MTF2: variants seen among roughly 807,000 people sequenced by gnomAD.
The protein encoded by MTF2 is metal-response element-binding transcription factor 2.
Under a neutral mutation model 79.5 loss-of-function variants are expected in MTF2, and 11 were observed. The observed-to-expected ratio is 0.14, with a 90% CI of 0.09 to 0.23. The LOEUF (loss-of-function observed/expected upper bound fraction) is 0.23, where lower values mean the gene tolerates loss of function less well. MTF2 is among the 10% of genes least tolerant of loss of function. The pLI is 1.00. For missense variants in MTF2, 486 were observed against 711.2 expected (o/e 0.68, Z 3.60); for synonymous variants, 208 against 232.8 (o/e 0.89, Z 0.97).
At chr1:93,103,363 A>G (rs1451975754) in intron 1 of MTF2, among the ~76,000 whole-genome samples, 2 of 151,716 alleles carry the variant, frequency 1.3e-5, no homozygotes, top group African/African-American at 4.8e-5. Flanking sequence ...ATGTTCCTCC[A>G]TTGGGTAATG....
chr1:93,118,319 G>A (rs1656336253), intron 6 of MTF2, 26 bp from the exon 7 acceptor site: 3 of 1,279,898 alleles, frequency 2.3e-6, no homozygotes, highest in Non-Finnish European at 3.2e-6. Context: ...GAATTTTAGT[G>A]TTAACTTTTT....
intron 6 of MTF2, among the ~76,000 whole-genome samples, chr1:93,116,055 GCTTT>G (rs922824443): frequency 3.3e-5 from 5 of 152,086 alleles, no homozygotes; most frequent in African/African-American, 7.2e-5. Context: ...ATAGATTACT[GCTTT>G]CTTCTACGTA....
At chr1:93,096,444 T>A (rs1655290379) in intron 1 of MTF2, among the ~76,000 whole-genome samples, 1 of 152,144 alleles carries the variant, frequency 6.6e-6, no homozygotes, top group Admixed American at 6.5e-5. Context: ...ACGTCATGAA[T>A]AATATTTCCC....
At chr1:93,117,093 C>A (rs576919985) in intron 6 of MTF2, among the ~76,000 whole-genome samples, 1 of 152,104 alleles carries the variant, frequency 6.6e-6, no homozygotes, top group Non-Finnish European at 1.5e-5. Flanking sequence ...ATAAGGTGAG[C>A]ACATGAACCT....
chr1:93,117,231 G>A (rs1656283993), intron 6 of MTF2, among the ~76,000 whole-genome samples: 1 of 152,090 alleles, frequency 6.6e-6, no homozygotes, highest in Non-Finnish European at 1.5e-5. Flanking sequence ...TTCAAATAAA[G>A]ATAACCATAT....
intron 1 of MTF2, among the ~76,000 whole-genome samples, chr1:93,086,664 A>T (rs1654852297): frequency 6.6e-6 from 1 of 152,126 alleles, no homozygotes; most frequent in African/African-American, 2.4e-5. Flanking sequence ...GAAAACTAAT[A>T]TATCATATTT....
chr1:93,136,614 GGGCATA>G (rs756499051), intron 14 of MTF2, 50 bp from the exon 15 acceptor site: 33 of 1,339,114 alleles, frequency 2.5e-5, no homozygotes, highest in Non-Finnish European at 3.4e-5. Flanking sequence ...CATATTGTAT[GGGCATA>G]GGATGCTAAA....
chr1:93,079,691 G>C (rs1654518095), intron 1 of MTF2, among the ~76,000 whole-genome samples, 160 bp downstream of exon 1: 1 of 152,162 alleles, frequency 6.6e-6, no homozygotes, highest in African/African-American at 2.4e-5. Flanking sequence ...ATATTGAAAA[G>C]AATGGATGAA....
chr1:93,137,281 G>T lies in MTF2; in HGVS notation c.*254G>T, dbSNP rs1404855932. The T allele has an allele frequency of 9.6e-6, 3 of 312,748 alleles. 1 individual carries two copies. Among genetic ancestry groups the T allele is most frequent in the Non-Finnish European group, 1.8e-5 (3 of 169,580 alleles). The allele number at this position is 312,748 out of a possible 1,614,324, so 19.4% of individuals were successfully genotyped here. A position where few individuals can be genotyped will look rare whatever the true frequency, so the allele number is the denominator to read the frequency against. The stretch of plus-strand genomic sequence containing the variant: ...GATTTGTAGAATGTTTCTAGGATAG[G>T]ATATTAAAAATGATTGAAACCCATG... On this transcript the variant is annotated 3_prime_UTR_variant, in exon 15 of 15. Coordinates refer to ENST00000370298, the MANE Select transcript of MTF2 (RefSeq NM_007358.4).
chr1:93,119,291 A>T, intron 7 of MTF2, 42 bp from the exon 8 acceptor site: 1 of 1,356,270 alleles, frequency 7.4e-7, no homozygotes. Flanking sequence ...TTTATCTCTG[A>T]TGACTCAGTA....
chr1:93,094,858 A>AAT (rs1283395992), intron 1 of MTF2, among the ~76,000 whole-genome samples: 6 of 152,078 alleles, frequency 3.9e-5, no homozygotes, highest in African/African-American at 1.4e-4. Flanking sequence ...TATTGGCTTG[A>AAT]ATATATTTAT....
At chr1:93,130,937 T>G (rs1158166764) in intron 11 of MTF2, among the ~76,000 whole-genome samples, 6 of 147,934 alleles carry the variant, frequency 4.1e-5, no homozygotes, top group African/African-American at 1.3e-4. Context: ...GAGATTCTTA[T>G]GAGGGACAAA....
intron 8 of MTF2, chr1:93,119,615 TA>T (rs1242555627): frequency 1.5e-5 from 7 of 451,748 alleles, no homozygotes; most frequent in Middle Eastern, 5.7e-4. Context: ...TTGAATGTTA[TA>T]AATGAAACTT....
rs1289492447 is a variant in MTF2 at position 93,114,997 on chromosome 1, A to G, written c.392A>G (p.Gln131Arg). The G allele has an allele frequency of 1.3e-6, 2 of 1,597,080 alleles. No individual in the cohort carries two copies. The highest frequency in any genetic ancestry group is 2.2e-5 in the South Asian group (2 of 89,122). The change falls in exon 5 of 15, where the codon CAG becomes CGG. Residue 131 changes from glutamine (Q) to arginine (R), a missense_variant. Physicochemically the swap from Gln to Arg is conservative, Grantham distance 43 (BLOSUM62 1). Transcript: ENST00000370298. ...ICDKCGQGYH[Q>R]LCHTPHIDSS... ...TTTTTTTGATATTAAGGATATCATC[A>G]GTTGTGTCACACACCTCATATTGAT...
At chr1:93,079,771 G>C (rs1369611019) in intron 1 of MTF2, among the ~76,000 whole-genome samples, 1 of 151,886 alleles carries the variant, frequency 6.6e-6, no homozygotes, top group African/African-American at 2.4e-5. Flanking sequence ...GGGGGAGTCT[G>C]TTGGAGGAAC....
Position 93,133,966 on chromosome 1 carries a change from A to C in MTF2, c.1305A>C (p.Leu435Phe). Residue 435 changes from leucine to phenylalanine, a missense_variant, in exon 13 of 15, where the codon TTA (leucine) becomes TTC (phenylalanine). By Grantham distance (22) the Leu-to-Phe change is conservative. Around this residue, in one of 4 missense-constraint regions of MTF2, gnomAD observed 209 missense variants for 206.5 expected, o/e 1.01. Coordinates refer to ENST00000370298, the MANE Select transcript of MTF2 (RefSeq NM_007358.4). ...TTTCAGAGAATCCTACTTTGGATTTACCTTGTTCTATAGGGTAAATAGAAA... is the reference window on the plus strand; with the variant it reads ...TTTCAGAGAATCCTACTTTGGATTTCCCTTGTTCTATAGGGTAAATAGAAA... ...ESISENPTLD[L>F]PCSIGRTEGT... 6.3e-7 allele frequency: 1 copy of C among 1,580,006 alleles called. No individual in the cohort carries two copies. Among genetic ancestry groups the C allele is most frequent in the Non-Finnish European group, 8.7e-7 (1 of 1,152,788 alleles).
chr1:93,121,011 T>A, intron 9 of MTF2: 1 of 1,039,204 alleles, frequency 9.6e-7, no homozygotes, highest in South Asian at 3.3e-5. Context: ...CCTTTTCTTC[T>A]AAGTTTTCTA....
At chr1:93,124,092 A>G (rs971036310) in intron 9 of MTF2, among the ~76,000 whole-genome samples, 6 of 152,008 alleles carry the variant, frequency 3.9e-5, no homozygotes, top group African/African-American at 1.4e-4. Context: ...ACGGTATAGG[A>G]TTGTTATGAA....
chr1:93,115,747 A>C (rs1377242155), intron 6 of MTF2, 129 bp downstream of exon 6: 1 of 612,292 alleles, frequency 1.6e-6, no homozygotes, highest in Non-Finnish European at 2.5e-6. Flanking sequence ...AACCAGGGGG[A>C]AAATCTATTA....
Sources: allele counts gnomAD v4.1 joint callset (sites outside exome capture counted in the v4.1 genomes callset), GRCh38; gene constraint gnomAD v4.1.1; regional missense constraint gnomAD v4.1.1; transcripts MANE v1.5; gene names NCBI Gene and HGNC (gene_info 2026-07-23, HGNC 2026-07-21).